SERINC5: variants seen among roughly 807,000 people sequenced by gnomAD.
SERINC5 encodes chromosome 5 open reading frame 12.
SERINC5 carries 41 observed loss-of-function variants against 63.1 expected under a neutral mutation model. That is an observed-to-expected ratio of 0.65 (90% CI 0.51 to 0.84). SERINC5 has a LOEUF of 0.84. SERINC5 is among the 40% of genes least tolerant of loss of function. The pLI is 0.00. For synonymous variants in SERINC5, 222 were observed against 215.2 expected (o/e 1.03, Z -0.28); for missense variants, 523 against 573.0 (o/e 0.91, Z 0.89).
intron 1 of SERINC5, among the ~76,000 whole-genome samples, chr5:80,249,208 G>C (rs529718970): frequency 1.3e-5 from 2 of 151,922 alleles, no homozygotes; most frequent in South Asian, 4.2e-4. Context: ...CCAGCTACTC[G>C]GGAGGCTGAG....
At chr5:80,153,642 G>A (rs1489212650) in intron 8 of SERINC5, among the ~76,000 whole-genome samples, 1 of 152,060 alleles carries the variant, frequency 6.6e-6, no homozygotes, top group Non-Finnish European at 1.5e-5. Context: ...CTTTAACCCA[G>A]TATTTCCCGT....
intron 7 of SERINC5, among the ~76,000 whole-genome samples, 178 bp downstream of exon 7, chr5:80,166,205 C>G (rs1747290493): frequency 6.6e-6 from 1 of 152,114 alleles, no homozygotes; most frequent in South Asian, 2.1e-4. Flanking sequence ...ATTCATTCTT[C>G]CTATTTATTT....
chr5:80,209,844 T>A (rs1293483377), intron 1 of SERINC5, among the ~76,000 whole-genome samples: 1 of 151,974 alleles, frequency 6.6e-6, no homozygotes, highest in Non-Finnish European at 1.5e-5. Context: ...GCTCAGGATT[T>A]TCAGCCCAGC....
chr5:80,151,927 C>T (rs1746213692), intron 8 of SERINC5, among the ~76,000 whole-genome samples: 1 of 150,836 alleles, frequency 6.6e-6, no homozygotes, highest in Admixed American at 6.6e-5. Flanking sequence ...CATGAGGCAA[C>T]ACTGCGCAGT....
rs527278103 is a variant in SERINC5 at position 80,185,676 on chromosome 5, G to A, written c.196-7612C>T. Among the ~76,000 whole-genome samples the A allele has an allele frequency of 2.0e-5, 3 of 152,216 alleles. No homozygotes were observed. In the South Asian group the frequency reaches 6.2e-4, roughly 32 times the overall value. ...TAAAGGAAAATTACAGTCAAAGGGG[G>A]TTCGTTCTCTGGTGGGCAGGAATGG... On this transcript the variant is annotated intron_variant, in intron 2 of 11. Transcript: ENST00000507668.
At chr5:80,215,931 C>T (rs1254465219) in intron 1 of SERINC5, among the ~76,000 whole-genome samples, 1 of 152,170 alleles carries the variant, frequency 6.6e-6, no homozygotes, top group East Asian at 1.9e-4. Flanking sequence ...CTACTTTCAG[C>T]ACCAGAAGAA....
At chr5:80,190,960 A>AG (rs1749144970) in intron 2 of SERINC5, among the ~76,000 whole-genome samples, 1 of 90 alleles carries the variant, frequency 0.011, no homozygotes, top group African/African-American at 0.038. Flanking sequence ...CTGGATCACC[A>AG]AATGCTTGGT....
intron 1 of SERINC5, among the ~76,000 whole-genome samples, chr5:80,240,430 G>C (rs994124046): frequency 6.6e-6 from 1 of 152,046 alleles, no homozygotes; most frequent in Admixed American, 6.6e-5. Flanking sequence ...TTTTTATTCA[G>C]TTCCTTTTTT....
At position 80,140,289 on chromosome 5, in the gene SERINC5, A is replaced by AGAG; in HGVS notation, c.*3371_*3373dup. The AGAG allele has an allele frequency of 1.1e-6, 1 of 930,174 alleles. No homozygotes were observed. The highest frequency in any genetic ancestry group is 1.2e-6 in the Non-Finnish European group (1 of 802,124). The allele number at this position is 930,174 out of a possible 1,614,324, so 57.6% of individuals were successfully genotyped here. A position where few individuals can be genotyped will look rare whatever the true frequency, so the allele number is the denominator to read the frequency against. On this transcript the variant is annotated 3_prime_UTR_variant, in exon 12 of 12. Transcript: ENST00000507668. ...GTCACTGCACTCCAGCGTGGCTGAC[A>AGAG]GAGTGAGCCCGTCTCCAAAAAAAAA...
At chr5:80,201,069 A>C (rs1749808402) in intron 2 of SERINC5, among the ~76,000 whole-genome samples, 1 of 152,154 alleles carries the variant, frequency 6.6e-6, no homozygotes, top group Non-Finnish European at 1.5e-5. Flanking sequence ...ATTGCACTCC[A>C]GCCTGGGCAA....
chr5:80,177,901 G>A lies in SERINC5; in HGVS notation c.359C>T (p.Ala120Val), dbSNP rs1202167979. 1 of 1,609,436 alleles carries A rather than the reference G, an allele frequency of 6.2e-7. No homozygotes were observed. Among genetic ancestry groups the A allele is most frequent in the African/African-American group, 1.3e-5 (1 of 74,730 alleles). Residue 120 changes from alanine to valine, a missense_variant, in exon 3 of 12, where the codon GCT (alanine) becomes GTT (valine). Coordinates refer to ENST00000507668, the MANE Select transcript of SERINC5 (RefSeq NM_001174072.3). ...LKINNSKSCR[A>V]HIHNGFWFFK... ...AAATACTTACCCATTGTGAATATGAGCTCTACAACTTTTGCTGTTGTTGAT... is the reference window on the plus strand; with the variant it reads ...AAATACTTACCCATTGTGAATATGAACTCTACAACTTTTGCTGTTGTTGAT...
intron 2 of SERINC5, among the ~76,000 whole-genome samples, chr5:80,187,972 T>C (rs570021394): frequency 2.6e-5 from 4 of 152,186 alleles, no homozygotes; most frequent in South Asian, 4.1e-4. Flanking sequence ...TCAATCTCCA[T>C]TGAGAGAATT....
chr5:80,239,674 C>T (rs1366129655), intron 1 of SERINC5, among the ~76,000 whole-genome samples: 3 of 152,038 alleles, frequency 2.0e-5, no homozygotes, highest in Admixed American at 6.6e-5. Flanking sequence ...GCCCACCTTC[C>T]ACTCCGCCTC....
intron 1 of SERINC5, among the ~76,000 whole-genome samples, chr5:80,230,309 A>G (rs1275917184): frequency 6.6e-6 from 1 of 152,014 alleles, no homozygotes; most frequent in Non-Finnish European, 1.5e-5. Context: ...TGACTCTACT[A>G]AAAATACAGC....
chr5:80,255,853 T>C (rs747240050), intron 1 of SERINC5, 43 bp downstream of exon 1: 9 of 1,584,658 alleles, frequency 5.7e-6, no homozygotes, highest in Non-Finnish European at 6.0e-6. Context: ...CTGGCCCGGT[T>C]CTCCGATCTG....
In SERINC5 at chr5:80,140,303, T is replaced by TC. The variant is rs1175053728; in HGVS notation, c.*3359dup. On this transcript the variant is annotated 3_prime_UTR_variant, in exon 12 of 12. Transcript: ENST00000507668. ...GCGTGGCTGACAGAGTGAGCCCGTC[T>TC]CCAAAAAAAAAAAAAAAAAAAAAAA... The TC allele has an allele frequency of 5.3e-6, 3 of 567,302 alleles. No homozygotes were observed. The highest frequency in any genetic ancestry group is 1.2e-4 in the African/African-American group (2 of 16,518). 35.1% of individuals were successfully genotyped at this position (567,302 alleles called of 1,614,324 possible).
intron 5 of SERINC5, among the ~76,000 whole-genome samples, chr5:80,174,140 C>G (rs890166964): frequency 7.2e-5 from 11 of 151,904 alleles, no homozygotes; most frequent in African/African-American, 2.7e-4. Flanking sequence ...GCAGAAGGAT[C>G]TCTTTAACCC....
chr5:80,128,777 C>A (rs1744834746), intron 11 of SERINC5: 1 of 152,170 alleles, frequency 6.6e-6, no homozygotes, highest in African/African-American at 2.4e-5. Context: ...TTTTATTATG[C>A]TGGGCCTCCA....
At chr5:80,137,704 GGCTGAGGCA>G (rs149214590), downstream of SERINC5, among the ~76,000 whole-genome samples, 35,449 of 150,892 alleles carry the variant, frequency 0.23, 4,221 homozygotes, top group South Asian at 0.35. Flanking sequence ...CACTTTGGGA[GGCTGAGGCA>G]GGATGATTGC....
Sources: gnomAD v4.1 joint callset for allele counts (sites outside exome capture counted in the v4.1 genomes callset) on GRCh38, gnomAD v4.1.1 for gene constraint, MANE v1.5 for transcripts, NCBI Gene and HGNC (gene_info 2026-07-23, HGNC 2026-07-21) for gene names.